PGR: variants seen among roughly 807,000 people sequenced by gnomAD.
The protein encoded by PGR is progesterone receptor, also known as nuclear receptor subfamily 3 group C member 3.
A neutral mutation model predicts 76.1 loss-of-function variants in PGR; 25 were observed. The observed-to-expected ratio is 0.33, with a 90% confidence interval of 0.24 to 0.46. PGR has a LOEUF of 0.46. PGR is among the 20% of genes least tolerant of loss of function. The pLI, the probability that PGR is intolerant of heterozygous loss-of-function variation, is 1.00. For synonymous variants in PGR, 579 were observed against 535.0 expected, an observed-to-expected ratio of 1.08 and a Z score of -1.14; for missense variants, 1,172 against 1,225.3, an observed-to-expected ratio of 0.96 and a Z score of 0.65.
chr11:101,117,715 C>A (rs368591230), intron 2 of PGR, among the ~76,000 whole-genome samples: 1 of 152,004 alleles, frequency 6.6e-6, no homozygotes, highest in African/African-American at 2.4e-5. Flanking sequence ...CAAAAATAAA[C>A]GTTTCTTAAT....
At chr11:101,085,791 A>G (rs1250214479) in intron 3 of PGR, among the ~76,000 whole-genome samples, 2 of 152,174 alleles carry the variant, frequency 1.3e-5, no homozygotes, top group Admixed American at 1.3e-4. Flanking sequence ...CAGAAATATG[A>G]AAGATCCTTA....
chr11:101,119,367 A>C (rs1283500976), intron 2 of PGR, among the ~76,000 whole-genome samples: 1 of 152,232 alleles, frequency 6.6e-6, no homozygotes, highest in Non-Finnish European at 1.5e-5. Flanking sequence ...GTGACTGATA[A>C]AAGATTCCCT....
chr11:101,030,476 A>G lies in PGR; in HGVS notation c.*8640T>C, dbSNP rs961259226. On this transcript the variant is annotated 3_prime_UTR_variant, in exon 8 of 8. Transcript: ENST00000325455. ...CACACATGGATAGATGAAGAGTCTC[A>G]CCCTCTTGACAGAAAACCTCATATG... 4.3e-6 allele frequency: 1 copy of G among 231,160 alleles called. No individual in the cohort carries two copies. The highest frequency in any genetic ancestry group is 8.6e-6 in the Non-Finnish European group (1 of 116,778). 14.3% of individuals were successfully genotyped at this position (231,160 alleles called of 1,614,324 possible). A position where few individuals can be genotyped will look rare whatever the true frequency, so the allele number is the denominator to read the frequency against.
At chr11:101,061,620 G>A (rs1214629811) in intron 4 of PGR, among the ~76,000 whole-genome samples, 1 of 152,142 alleles carries the variant, frequency 6.6e-6, no homozygotes, top group African/African-American at 2.4e-5. Context: ...GTCTATAGCA[G>A]TATAAGGGTA....
intron 7 of PGR, 65 bp downstream of exon 7, chr11:101,041,880 C>G (rs1254763654): frequency 1.3e-5 from 18 of 1,407,292 alleles, no homozygotes; most frequent in African/African-American, 2.9e-5. Flanking sequence ...TTACATGTAA[C>G]ATTTAAAAAG....
intron 3 of PGR, among the ~76,000 whole-genome samples, chr11:101,085,209 T>C (rs1861451379): frequency 1.3e-5 from 2 of 152,132 alleles, no homozygotes; most frequent in African/African-American, 4.8e-5. Context: ...ACTCAGTACA[T>C]TTTAAAAAGT....
At chr11:101,077,971 A>G (rs1861179743) in intron 3 of PGR, among the ~76,000 whole-genome samples, 1 of 152,242 alleles carries the variant, frequency 6.6e-6, no homozygotes, top group African/African-American at 2.4e-5. Flanking sequence ...TTCTTAGGGT[A>G]TTAAAGGCAC....
At chr11:101,096,581 A>G (rs558444382) in intron 2 of PGR, among the ~76,000 whole-genome samples, 2 of 152,300 alleles carry the variant, frequency 1.3e-5, no homozygotes, top group Admixed American at 1.3e-4. Context: ...TACTTCAGGT[A>G]CCTGGCTGTA....
intron 3 of PGR, among the ~76,000 whole-genome samples, chr11:101,073,237 T>G (rs113276792): frequency 1.3e-5 from 2 of 152,076 alleles, no homozygotes; most frequent in Non-Finnish European, 2.9e-5. Context: ...GCATAAATAA[T>G]GAAATTAAGG....
In PGR at chr11:101,051,415, A is replaced by G; in HGVS notation, c.2357+9T>C. 1 of 1,585,494 alleles carries G rather than the reference A, an allele frequency of 6.3e-7. No individual in the cohort carries two copies. On this transcript the variant is annotated intron_variant, in intron 5 of 7. Coordinates refer to ENST00000325455, the MANE Select transcript of PGR (RefSeq NM_000926.4). ...TAAAATAACAAAAACAACAAAAGTT[A>G]CTACTTACTCATTTAGTATTAGATC... is the stretch of plus-strand genomic sequence containing the variant.
At chr11:101,102,058 C>T (rs569291814) in intron 2 of PGR, among the ~76,000 whole-genome samples, 21 of 152,158 alleles carry the variant, frequency 1.4e-4, no homozygotes, top group African/African-American at 2.2e-4. Context: ...TTCTACAAAA[C>T]GGCTGGCCTA....
At position 101,127,609 on chromosome 11, in the gene PGR, A is replaced by G. The variant is rs1862899023; in HGVS notation, c.1462T>C (p.Cys488Arg). 7.7e-7 allele frequency: 1 copy of G among 1,304,370 alleles called. No individual in the cohort carries two copies. Among genetic ancestry groups the G allele is most frequent in the Non-Finnish European group, 9.7e-7 (1 of 1,035,844 alleles). 80.8% of individuals were successfully genotyped at this position (1,304,370 alleles called of 1,614,324 possible). The change falls in exon 1 of 8, where the codon TGC (cysteine) becomes CGC (arginine). Residue 488 changes from cysteine (C) to arginine (R), a missense_variant. Cys to Arg is a radical substitution (Grantham distance 180). This residue lies in a region of PGR where 893 missense variants were observed against 785.9 expected (regional missense o/e 1.14). Coordinates refer to ENST00000325455, the MANE Select transcript of PGR (RefSeq NM_000926.4). ...GGCAGGCCGTCCCGCGGGAGCAGGC[A>G]GCCGCTCGCGCCCGGCGCCTTGCAG... ...PPCKAPGASGCLLPRDGLPST... is the reference protein window; with the variant it reads ...PPCKAPGASGRLLPRDGLPST...
intron 4 of PGR, among the ~76,000 whole-genome samples, chr11:101,054,679 C>A (rs1173839385): frequency 2.0e-5 from 3 of 152,170 alleles, no homozygotes; most frequent in African/African-American, 7.2e-5. Flanking sequence ...CTGGCTCTAC[C>A]ACTTACTAAC....
At chr11:101,085,637 C>G (rs1054875020) in intron 3 of PGR, among the ~76,000 whole-genome samples, 1 of 144,084 alleles carries the variant, frequency 6.9e-6, no homozygotes, top group Admixed American at 6.9e-5. Flanking sequence ...AAAATCTATA[C>G]AAAGAATCAA....
rs1237842501 is a variant in PGR, at chr11:101,032,491, C to T, written c.*6625G>A. 4 of 232,768 alleles carry T rather than the reference C, an allele frequency of 1.7e-5. No homozygotes were observed. Among genetic ancestry groups the T allele is most frequent in the African/African-American group, 6.6e-5 (3 of 45,296 alleles). The allele number at this position is 232,768 out of a possible 1,614,324, so 14.4% of individuals were successfully genotyped here. On this transcript the variant is annotated 3_prime_UTR_variant, in exon 8 of 8. Coordinates refer to ENST00000325455, the MANE Select transcript of PGR (RefSeq NM_000926.4). ...TTTCTTCTTCAGTCTCATCATCCATCCCCACCCCACATTCTCTCTCCCCAT... is the reference window on the plus strand; with the variant it reads ...TTTCTTCTTCAGTCTCATCATCCATTCCCACCCCACATTCTCTCTCCCCAT...
In PGR at chr11:101,062,721, T is replaced by A; in HGVS notation, c.1938A>T (p.Arg646Ser). 6.2e-7 allele frequency: 1 copy of A among 1,613,016 alleles called. No individual in the cohort carries two copies. The highest frequency in any genetic ancestry group is 8.5e-7 in the Non-Finnish European group (1 of 1,179,696). The change falls in exon 4 of 8, where the codon AGA becomes AGT. Residue 646 changes from arginine to serine, a missense_variant. By Grantham distance (110) the Arg-to-Ser change is moderately radical. This residue lies in a region of PGR where 73 missense variants were observed against 60.7 expected (regional missense o/e 1.20). Coordinates refer to ENST00000325455, the MANE Select transcript of PGR (RefSeq NM_000926.4). ...CAACAGCATCCAGTGCTCTCACAAC[T>A]CTGACTTTATTGAACTTTTTAAATT... ...GRKFKKFNKV[R>S]VVRALDAVAL...
chr11:101,049,756 G>GA (rs1235120923), intron 6 of PGR, among the ~76,000 whole-genome samples, 173 bp downstream of exon 6: 2 of 152,082 alleles, frequency 1.3e-5, no homozygotes, highest in Non-Finnish European at 2.9e-5. Context: ...GGTAAAAGAT[G>GA]AAAAAATCCA....
chr11:101,062,807 A>T (rs1860559477), intron 3 of PGR, 55 bp from the exon 4 acceptor site: 2 of 1,189,248 alleles, frequency 1.7e-6, no homozygotes, highest in Admixed American at 2.1e-5. Context: ...TCCATATCCC[A>T]GTATAGTATT....
chr11:101,072,714 T>A (rs952428027), intron 3 of PGR, among the ~76,000 whole-genome samples: 1 of 151,832 alleles, frequency 6.6e-6, no homozygotes, highest in African/African-American at 2.4e-5. Context: ...CCAACAAAGA[T>A]CAAAAGACAA....
Sources: gnomAD v4.1 joint callset for allele counts (sites outside exome capture counted in the v4.1 genomes callset) on GRCh38, gnomAD v4.1.1 for gene constraint, gnomAD v4.1.1 regional missense constraint, MANE v1.5 for transcripts, NCBI Gene and HGNC (gene_info 2026-07-23, HGNC 2026-07-21) for gene names.